The following DCDC1 variants were observed in gnomAD, a reference collection of about 807,000 sequenced individuals.
The protein encoded by DCDC1 is doublecortin domain containing 1.
A neutral mutation model predicts 178.3 loss-of-function variants in DCDC1; 200 were observed. The ratio of observed to expected loss-of-function variants is 1.12; its 90% CI spans 1.00 to 1.26. The LOEUF is 1.26. Among genes scored for constraint, DCDC1 ranks in the 50% most tolerant of loss-of-function variants. The pLI, the probability that DCDC1 is intolerant of heterozygous loss-of-function variation, is 0.00. For missense variants in DCDC1, 1,983 were observed against 1,749.2 expected, an observed-to-expected ratio of 1.13 and a Z score of -2.38; for synonymous variants, 690 against 604.8, an observed-to-expected ratio of 1.14 and a Z score of -2.07.
intron 32 of DCDC1, among the ~76,000 whole-genome samples, 170 bp downstream of exon 32, chr11:30,903,312 T>C (rs749875942): frequency 2.6e-5 from 4 of 152,164 alleles, no homozygotes; most frequent in Non-Finnish European, 4.4e-5. Context: ...TTCTTATAAT[T>C]CTGCAAGGTG....
At chr11:31,111,701 T>C (rs761917537) in intron 11 of DCDC1, among the ~76,000 whole-genome samples, 2 of 152,182 alleles carry the variant, frequency 1.3e-5, no homozygotes, top group Non-Finnish European at 1.5e-5. Flanking sequence ...GGCTCAACTT[T>C]GGAACAAAAC....
chr11:31,282,072 T>C (rs147067069), intron 7 of DCDC1, among the ~76,000 whole-genome samples: 1 of 152,276 alleles, frequency 6.6e-6, no homozygotes, highest in African/African-American at 2.4e-5. Context: ...GTAATGTCTT[T>C]ATAATGCTAG....
intron 20 of DCDC1, among the ~76,000 whole-genome samples, chr11:31,030,685 G>A (rs900821129): frequency 3.3e-5 from 5 of 152,134 alleles, no homozygotes; most frequent in African/African-American, 1.2e-4. Context: ...CTTTGCGGAT[G>A]TCTGCCTGGG....
intron 3 of DCDC1, among the ~76,000 whole-genome samples, chr11:31,309,895 G>A (rs1310513511): frequency 1.3e-5 from 2 of 152,006 alleles, no homozygotes; most frequent in Non-Finnish European, 2.9e-5. Context: ...GCTCTGTATG[G>A]ATTTTACTGG....
intron 2 of DCDC1, among the ~76,000 whole-genome samples, chr11:31,333,148 T>C (rs1950088673): frequency 6.6e-6 from 1 of 152,198 alleles, no homozygotes; most frequent in African/African-American, 2.4e-5. Flanking sequence ...GCCTTTTTTG[T>C]CTCTTTTGAT....
Position 31,077,926 on chromosome 11 carries a change from C to T in DCDC1, c.2238-1G>A, listed in dbSNP as rs766064170. The T allele has an allele frequency of 5.2e-6, 4 of 766,026 alleles. No individual in the cohort carries two copies. The South Asian group carries it at 5.4e-5, about 10-fold the overall frequency. The allele number at this position is 766,026 out of a possible 1,614,324, so 47.5% of individuals were successfully genotyped here. A position where few individuals can be genotyped will look rare whatever the true frequency, so the allele number is the denominator to read the frequency against. On this transcript the variant is annotated splice_acceptor_variant, in intron 17 of 38. Transcript: ENST00000684477. LOFTEE classifies it high-confidence loss of function. ...CTTCTGAGAGTCATCTCCACTATGT[C>T]TGTAACGAAAATGTAATTTAGAGAT... is the stretch of plus-strand genomic sequence containing the variant.
rs776283494 is a variant in DCDC1 at position 31,094,179 on chromosome 11, A to G, written c.1989T>C (p.Asp663=). The change falls in exon 16 of 39, where the codon GAT becomes GAC. Residue 663 remains aspartate (D), a synonymous_variant. Transcript: ENST00000684477. The part of the protein sequence containing the change: ...LENHFLQNKV[D]PNIVLHASVS... ...CAGAGGCATGAAGGACAATATTGGGATCTACCTGTATCATAAGAAGAAGTA... is the reference window on the plus strand; with the variant it reads ...CAGAGGCATGAAGGACAATATTGGGGTCTACCTGTATCATAAGAAGAAGTA... The G allele has an allele frequency of 2.5e-5, 19 of 765,994 alleles. No homozygotes were observed. Among genetic ancestry groups the G allele is most frequent in the Non-Finnish European group, 4.3e-5 (18 of 417,738 alleles). The allele number at this position is 765,994 out of a possible 1,614,324, so 47.4% of individuals were successfully genotyped here.
chr11:31,344,359 T>C (rs1212039777), intron 1 of DCDC1, among the ~76,000 whole-genome samples: 2 of 152,190 alleles, frequency 1.3e-5, no homozygotes, highest in African/African-American at 2.4e-5. Context: ...CAATTTCAGA[T>C]CACTATGTGC....
At chr11:31,337,456 T>C (rs1950329664) in intron 1 of DCDC1, among the ~76,000 whole-genome samples, 1 of 152,100 alleles carries the variant, frequency 6.6e-6, no homozygotes, top group South Asian at 2.1e-4. Flanking sequence ...ACTGCTTGAG[T>C]CCGGGAGTTT....
chr11:31,172,270 A>G (rs1290333065), intron 9 of DCDC1, among the ~76,000 whole-genome samples: 4 of 152,096 alleles, frequency 2.6e-5, no homozygotes, highest in Non-Finnish European at 5.9e-5. Context: ...TTTGAAAAAA[A>G]TAATTATCAG....
intron 23 of DCDC1, among the ~76,000 whole-genome samples, chr11:30,923,680 A>G (rs1946409178): frequency 6.6e-6 from 1 of 151,514 alleles, no homozygotes; most frequent in African/African-American, 2.4e-5. Flanking sequence ...GTGCAGTGGC[A>G]TGCTTTCGGC....
At chr11:30,880,743 C>T (rs1022844771) in intron 37 of DCDC1, among the ~76,000 whole-genome samples, 33 of 152,190 alleles carry the variant, frequency 2.2e-4, no homozygotes, top group African/African-American at 7.7e-4. Context: ...AAGATAATAA[C>T]TCTAGAAAAT....
At chr11:31,073,922 C>G (rs563820190) in intron 18 of DCDC1, among the ~76,000 whole-genome samples, 12 of 152,026 alleles carry the variant, frequency 7.9e-5, no homozygotes, top group Non-Finnish European at 1.5e-4. Context: ...CTCTAAATTT[C>G]TAAAATGATG....
chr11:31,243,423 G>C (rs975927537), intron 8 of DCDC1, among the ~76,000 whole-genome samples: 4 of 151,650 alleles, frequency 2.6e-5, no homozygotes, highest in African/African-American at 9.7e-5. Flanking sequence ...TTGAAATAAA[G>C]TTTAATAAAT....
intron 11 of DCDC1, among the ~76,000 whole-genome samples, chr11:31,110,643 T>C (rs1269939462): frequency 2.0e-5 from 3 of 150,614 alleles, no homozygotes; most frequent in Non-Finnish European, 1.5e-5. Flanking sequence ...AATCTTATAA[T>C]AGAAGAAAAT....
chr11:30,893,700 T>C (rs1366813189), intron 35 of DCDC1, among the ~76,000 whole-genome samples: 6 of 152,192 alleles, frequency 3.9e-5, no homozygotes, highest in Non-Finnish European at 4.4e-5. Flanking sequence ...ACATATCATT[T>C]TGATGAAAAA....
At chr11:30,996,904 G>A (rs1017228154) in intron 20 of DCDC1, among the ~76,000 whole-genome samples, 173 of 152,278 alleles carry the variant, frequency 1.1e-3, no homozygotes, top group African/African-American at 3.9e-3. Flanking sequence ...ATGTATAGCA[G>A]CGTTCATCAT....
At chr11:31,294,814 G>T (rs889550524) in intron 6 of DCDC1, among the ~76,000 whole-genome samples, 13 of 77,004 alleles carry the variant, frequency 1.7e-4, no homozygotes, top group African/African-American at 5.7e-4. Context: ...AAGAAAGAAA[G>T]AAAGAAAGAA....
intron 20 of DCDC1, among the ~76,000 whole-genome samples, chr11:31,061,418 C>G (rs1181539099): frequency 6.6e-6 from 1 of 152,104 alleles, no homozygotes; most frequent in East Asian, 1.9e-4. Context: ...GAGAAGCACA[C>G]TTCTATGCCT....
Sources: gnomAD v4.1 joint callset for allele counts (sites outside exome capture counted in the v4.1 genomes callset) on GRCh38, gnomAD v4.1.1 for gene constraint, MANE v1.5 for transcripts, NCBI Gene and HGNC (gene_info 2026-07-23, HGNC 2026-07-21) for gene names.